Variants in PSMD14 observed in about 807,000 individuals in gnomAD.
PSMD14 encodes proteasome 26S subunit, non-ATPase 14.
A neutral mutation model predicts 41.2 loss-of-function variants in PSMD14; 7 were observed. The observed-to-expected ratio is 0.17, with a 90% confidence interval of 0.10 to 0.32. The LOEUF (loss-of-function observed/expected upper bound fraction) is 0.32, where lower values mean the gene tolerates loss of function less well. Ranked by LOEUF, PSMD14 falls within the 10% of genes least tolerant of loss-of-function variation. The probability of loss-of-function intolerance (pLI) is 1.00; values close to 1 mark genes in which losing one functional copy is unlikely to be tolerated. For synonymous variants in PSMD14, 114 were observed against 122.3 expected (o/e 0.93, Z 0.45); for missense variants, 139 against 375.6 (o/e 0.37, Z 5.21).
In PSMD14 at chr2:161,399,575, A is replaced by G. The variant is rs79537952; in HGVS notation, c.771+4372A>G. ...CTTGAGCAGTATATACACTGCACCC[A>G]ATTTGTAGTCTTTGCCTATAAAATA... is the stretch of plus-strand genomic sequence containing the variant. On this transcript the variant is annotated intron_variant, in intron 10 of 11. Coordinates refer to ENST00000409682, the MANE Select transcript of PSMD14 (RefSeq NM_005805.6). Among the ~76,000 whole-genome samples, 13 of 152,262 alleles carry G rather than the reference A, an allele frequency of 8.5e-5. No homozygotes were observed. In the East Asian group the frequency reaches 2.5e-3, roughly 29 times the overall value.
intron 3 of PSMD14, among the ~76,000 whole-genome samples, chr2:161,335,882 T>C (rs1314088636): frequency 6.6e-6 from 1 of 152,206 alleles, no homozygotes; most frequent in Non-Finnish European, 1.5e-5. Flanking sequence ...ATTTATAAAA[T>C]AGGCACAGTA....
intron 7 of PSMD14, among the ~76,000 whole-genome samples, chr2:161,375,346 G>A (rs1683489178): frequency 6.6e-6 from 1 of 151,942 alleles, no homozygotes; most frequent in African/African-American, 2.4e-5. Context: ...GTATTAAGTT[G>A]GTTGCTAGAG....
chr2:161,349,431 T>C (rs1269927488), intron 3 of PSMD14, among the ~76,000 whole-genome samples: 1 of 152,210 alleles, frequency 6.6e-6, no homozygotes, highest in East Asian at 1.9e-4. Context: ...AAGCTAAAAC[T>C]GCATTTATTT....
At chr2:161,315,209 T>C (rs1010376514) in intron 1 of PSMD14, among the ~76,000 whole-genome samples, 8 of 152,142 alleles carry the variant, frequency 5.3e-5, no homozygotes, top group South Asian at 2.1e-4. Context: ...TGTTGTCTAG[T>C]GGAGCTAGGG....
intron 10 of PSMD14, among the ~76,000 whole-genome samples, chr2:161,398,456 T>G (rs570577947): frequency 1.3e-5 from 2 of 152,186 alleles, no homozygotes; most frequent in South Asian, 4.1e-4. Flanking sequence ...GACATTTGAT[T>G]TTTTTCTAAT....
intron 5 of PSMD14, among the ~76,000 whole-genome samples, chr2:161,369,369 G>A (rs965036529): frequency 1.3e-5 from 2 of 151,806 alleles, no homozygotes; most frequent in Admixed American, 1.3e-4. Context: ...TTTTAAGACA[G>A]TCCTTTTAAA....
At chr2:161,368,610 A>G (rs1393679146) in intron 5 of PSMD14, among the ~76,000 whole-genome samples, 1 of 152,026 alleles carries the variant, frequency 6.6e-6, no homozygotes. Context: ...TCTACCTTCC[A>G]AAAAAAGCAC....
intron 3 of PSMD14, chr2:161,341,105 A>G: frequency 1.4e-6 from 2 of 1,453,092 alleles, no homozygotes; most frequent in Non-Finnish European, 1.8e-6. Context: ...CGGGCTCTCC[A>G]GGCTCCTCCG....
At chr2:161,406,945 A>T (rs148925624) in intron 10 of PSMD14, among the ~76,000 whole-genome samples, 68 of 152,224 alleles carry the variant, frequency 4.5e-4, no homozygotes, top group Admixed American at 1.6e-3. Context: ...TTCATTGTCT[A>T]TCTACCATCT....
intron 3 of PSMD14, among the ~76,000 whole-genome samples, chr2:161,323,295 CT>C (rs1682638000): frequency 6.6e-6 from 1 of 152,124 alleles, no homozygotes; most frequent in Non-Finnish European, 1.5e-5. Flanking sequence ...ATCATGCTGT[CT>C]TTTCCTGTTT....
intron 10 of PSMD14, among the ~76,000 whole-genome samples, chr2:161,401,290 A>T (rs1027274031): frequency 6.6e-6 from 1 of 152,254 alleles, no homozygotes; most frequent in African/African-American, 2.4e-5. Flanking sequence ...GCTTTCAGTC[A>T]ACAGTAGGCT....
chr2:161,369,464 ACT>A (rs1448523575), intron 5 of PSMD14, among the ~76,000 whole-genome samples: 1 of 151,942 alleles, frequency 6.6e-6, no homozygotes, highest in Non-Finnish European at 1.5e-5. Context: ...TTGAGGATGT[ACT>A]CTCTGTTGGA....
intron 3 of PSMD14, among the ~76,000 whole-genome samples, chr2:161,347,620 T>C (rs1683062925): frequency 6.6e-6 from 1 of 152,216 alleles, no homozygotes; most frequent in African/African-American, 2.4e-5. Flanking sequence ...AGATAGTGAA[T>C]AAATAAGATG....
intron 3 of PSMD14, among the ~76,000 whole-genome samples, chr2:161,352,963 C>T (rs1169664965): frequency 2.0e-5 from 3 of 152,090 alleles, no homozygotes; most frequent in African/African-American, 7.2e-5. Context: ...CCAGCTAATC[C>T]CAGACTTGAA....
chr2:161,345,176 G>A (rs1683022291), intron 3 of PSMD14, among the ~76,000 whole-genome samples: 1 of 151,278 alleles, frequency 6.6e-6, no homozygotes. Context: ...AAGATCAATG[G>A]ACTATTAAAT....
At chr2:161,318,569 G>C (rs1397488655) in intron 2 of PSMD14, among the ~76,000 whole-genome samples, 1 of 152,118 alleles carries the variant, frequency 6.6e-6, no homozygotes, top group South Asian at 2.1e-4. Context: ...AGTTTTGAAA[G>C]TATGCTAAGA....
intron 3 of PSMD14, among the ~76,000 whole-genome samples, chr2:161,351,762 G>A (rs529901769): frequency 6.6e-6 from 1 of 152,148 alleles, no homozygotes; most frequent in African/African-American, 2.4e-5. Context: ...TATCATTACT[G>A]TGGGACTCAA....
At position 161,370,104 on chromosome 2, in the gene PSMD14, C is replaced by G. The variant is rs778230044; in HGVS notation, c.241-3C>G. 11 of 1,563,268 alleles carry G rather than the reference C, an allele frequency of 7.0e-6. No homozygotes were observed. The highest frequency in any genetic ancestry group is 8.7e-6 in the Non-Finnish European group (10 of 1,154,130). Reference sequence around the variant, plus strand: ...TAATAATTTTTCTTTCTTTCTAAATCAGGGTGTCAGTGTGGAGGCAGTTGA... The same window carrying G: ...TAATAATTTTTCTTTCTTTCTAAATGAGGGTGTCAGTGTGGAGGCAGTTGA... On this transcript the variant is annotated splice_polypyrimidine_tract_variant and splice_region_variant and intron_variant, in intron 5 of 11. Coordinates refer to ENST00000409682, the MANE Select transcript of PSMD14 (RefSeq NM_005805.6).
Position 161,327,946 on chromosome 2 carries a change from CTGTGTG to C in PSMD14, c.48+9106_48+9111del, listed in dbSNP as rs369674882. Among the ~76,000 whole-genome samples, 107 of 117,176 alleles carry C rather than the reference CTGTGTG, an allele frequency of 9.1e-4. 2 individuals are homozygous for C. The highest frequency in any genetic ancestry group is 3.2e-3 in the African/African-American group (99 of 31,096). 76.9% of individuals were successfully genotyped at this position (117,176 alleles called of 152,430 possible). On this transcript the variant is annotated intron_variant, in intron 3 of 11. Coordinates refer to ENST00000409682, the MANE Select transcript of PSMD14 (RefSeq NM_005805.6). ...GGGGAAGCAGGAATTCTCATGTAAG[CTGTGTG>C]TGTGTGTGTGTGTGTGTGTGTGTGT...
Sources: gnomAD v4.1 joint callset for allele counts (sites outside exome capture counted in the v4.1 genomes callset) on GRCh38, gnomAD v4.1.1 for gene constraint, MANE v1.5 for transcripts, NCBI Gene and HGNC (gene_info 2026-07-23, HGNC 2026-07-21) for gene names.